DUSP14: variants seen among roughly 807,000 people sequenced by gnomAD.
DUSP14 encodes the protein dual specificity phosphatase 14, also known as dual specificity protein phosphatase 14.
Under a neutral mutation model 13.2 loss-of-function variants are expected in DUSP14, and 5 were observed. The ratio of observed to expected loss-of-function variants is 0.38; its 90% confidence interval spans 0.20 to 0.80. The LOEUF (loss-of-function observed/expected upper bound fraction) is 0.80. Among genes scored for constraint, DUSP14 ranks in the 30% least tolerant of loss-of-function variants. The probability of loss-of-function intolerance (pLI) is 0.44; values close to 1 mark genes in which losing one functional copy is unlikely to be tolerated. For missense variants in DUSP14, 185 were observed against 264.0 expected (o/e 0.70, Z 2.07); for synonymous variants, 91 against 103.4 (o/e 0.88, Z 0.73).
rs773051241 is a variant in DUSP14, at chr17:37,512,265, G to GC, written c.-7dup. ...GCCAACGATGCAAGTGTGACTGCTGGCGTCTTCATGAGCTCCAGAGGTCAC... is the reference window on the plus strand; with the variant it reads ...GCCAACGATGCAAGTGTGACTGCTGGCCGTCTTCATGAGCTCCAGAGGTCAC... On this transcript the variant is annotated 5_prime_UTR_variant, in exon 3 of 3. Transcript: ENST00000617516. This position sits in a 1 kb window ranked among gnomAD's most constrained non-coding sequence, Gnocchi z 4.8. 6.3e-6 allele frequency: 10 copies of GC among 1,585,032 alleles called. No homozygotes were observed. Among genetic ancestry groups the GC allele is most frequent in the Non-Finnish European group, 7.7e-6 (9 of 1,162,442 alleles).
chr17:37,513,140 A>C lies in DUSP14; in HGVS notation c.*271A>C, dbSNP rs998170317. ...TCATTTTTACCAATTTGAACAGTTTAATAAACTGGTTCTGCTCTCTTCTGA... is the reference window on the plus strand; with the variant it reads ...TCATTTTTACCAATTTGAACAGTTTCATAAACTGGTTCTGCTCTCTTCTGA... On this transcript the variant is annotated 3_prime_UTR_variant, in exon 3 of 3. Coordinates refer to ENST00000617516, the MANE Select transcript of DUSP14 (RefSeq NM_007026.4). The C allele has an allele frequency of 2.1e-6, 1 of 484,056 alleles. No homozygotes were observed. Among genetic ancestry groups the C allele is most frequent in the African/African-American group, 2.0e-5 (1 of 51,256 alleles). 30.0% of individuals were successfully genotyped at this position (484,056 alleles called of 1,614,324 possible).
At chr17:37,504,180 C>G (rs1201969189) in intron 1 of DUSP14, among the ~76,000 whole-genome samples, 1 of 152,164 alleles carries the variant, frequency 6.6e-6, no homozygotes, top group African/African-American at 2.4e-5. Flanking sequence ...AGTGACAGAG[C>G]AAGACACCAT....
chr17:37,511,908 A>C (rs1597975739), intron 2 of DUSP14, among the ~76,000 whole-genome samples: 3 of 106,982 alleles, frequency 2.8e-5, no homozygotes, highest in South Asian at 3.2e-4. Context: ...TGTATGAGCC[A>C]CCATGCCCAG....
chr17:37,509,124 TATATAC>T (rs1235314811), intron 1 of DUSP14, among the ~76,000 whole-genome samples: 7 of 42,782 alleles, frequency 1.6e-4, no homozygotes, highest in South Asian at 7.3e-4. Flanking sequence ...TATATATATA[TATATAC>T]ACACACACAC....
intron 2 of DUSP14, among the ~76,000 whole-genome samples, chr17:37,511,613 G>A (rs1234238025): frequency 1.5e-5 from 1 of 67,232 alleles, no homozygotes; most frequent in African/African-American, 7.7e-5. Flanking sequence ...TAGAAGCTGG[G>A]TCTCCCTGTT....
chr17:37,493,170 C>T lies in DUSP14; in HGVS notation c.-181+3212C>T, dbSNP rs376150479. Among the ~76,000 whole-genome samples, 178 of 152,180 alleles carry T rather than the reference C, an allele frequency of 1.2e-3. 6 individuals are homozygous for T. The South Asian group carries it at 0.036, about 31-fold the overall frequency. ...TAGAGACAAGGTCTCACTATATTGCCCAGGCTGGTCTTGAACTCCTGGGCT... is the reference window on the plus strand; with the variant it reads ...TAGAGACAAGGTCTCACTATATTGCTCAGGCTGGTCTTGAACTCCTGGGCT... On this transcript the variant is annotated intron_variant, in intron 1 of 2. Transcript: ENST00000617516.
rs574646267 is a variant in DUSP14, at chr17:37,501,938, C to T, written c.-180-8739C>T. Among the ~76,000 whole-genome samples the T allele has an allele frequency of 5.3e-5, 8 of 152,280 alleles. No individual in the cohort carries two copies. In the South Asian group the frequency reaches 1.7e-3, roughly 32 times the overall value. On this transcript the variant is annotated intron_variant, in intron 1 of 2. Transcript: ENST00000617516. ...TGGGCTGTTTTTACTTTGCTTTGAT[C>T]ACCAGTTTTTTTGTACCAGTTGTTT...
chr17:37,511,756 T>TAA (rs112056297), intron 2 of DUSP14, among the ~76,000 whole-genome samples: 1 of 146,376 alleles, frequency 6.8e-6, no homozygotes. Context: ...CCCAGCTAAT[T>TAA]AAAAAAAAAT....
chr17:37,492,032 T>C (rs2054031815), intron 1 of DUSP14, among the ~76,000 whole-genome samples: 1 of 152,240 alleles, frequency 6.6e-6, no homozygotes, highest in African/African-American at 2.4e-5. Context: ...ATTTTAAAGT[T>C]GACTTGTCCT....
At position 37,512,063 on chromosome 17, in the gene DUSP14, A is replaced by G; in HGVS notation, c.-92-118A>G. ...GAAAATGATTTGTCTGTATCCTTGA[A>G]AGATTGTACTGTATTATTTAAAAAA... On this transcript the variant is annotated intron_variant, in intron 2 of 2. Transcript: ENST00000617516. This position sits in a 1 kb window ranked among gnomAD's most constrained non-coding sequence, Gnocchi z 4.8. 1 of 484,404 alleles carries G rather than the reference A, an allele frequency of 2.1e-6. No homozygotes were observed. Among genetic ancestry groups the G allele is most frequent in the South Asian group, 4.9e-5 (1 of 20,480 alleles). 30.0% of individuals were successfully genotyped at this position (484,404 alleles called of 1,614,324 possible). A position where few individuals can be genotyped will look rare whatever the true frequency, so the allele number is the denominator to read the frequency against.
intron 1 of DUSP14, among the ~76,000 whole-genome samples, chr17:37,492,817 C>A (rs1243067071): frequency 6.6e-6 from 1 of 152,188 alleles, no homozygotes; most frequent in Non-Finnish European, 1.5e-5. Context: ...TCTCCCTCCC[C>A]CAGAGGTCCT....
At chr17:37,509,251 AT>A in intron 1 of DUSP14, among the ~76,000 whole-genome samples, 1 of 19,718 alleles carries the variant, frequency 5.1e-5, no homozygotes, top group Non-Finnish European at 1.2e-4. Flanking sequence ...CACTATATAT[AT>A]ATATATATAT....
intron 1 of DUSP14, among the ~76,000 whole-genome samples, chr17:37,496,470 G>T (rs1391929871): frequency 3.3e-5 from 5 of 151,436 alleles, no homozygotes; most frequent in African/African-American, 1.2e-4. Context: ...TTAGCCGGGT[G>T]TTAGGCCGGG....
intron 1 of DUSP14, among the ~76,000 whole-genome samples, chr17:37,492,059 C>T (rs981944488): frequency 6.6e-6 from 1 of 152,172 alleles, no homozygotes; most frequent in Non-Finnish European, 1.5e-5. Flanking sequence ...AAAGATTTGG[C>T]TTCTGTCAAG....
At chr17:37,499,324 T>A (rs969455314) in intron 1 of DUSP14, among the ~76,000 whole-genome samples, 8 of 152,092 alleles carry the variant, frequency 5.3e-5, no homozygotes, top group African/African-American at 1.9e-4. Flanking sequence ...TGGCAAACTT[T>A]CTTTTTTTTA....
chr17:37,492,473 G>T (rs1739768996), intron 1 of DUSP14, among the ~76,000 whole-genome samples: 1 of 152,198 alleles, frequency 6.6e-6, no homozygotes, highest in African/African-American at 2.4e-5. Context: ...AAATGGATGG[G>T]TTAAAACAAA....
intron 1 of DUSP14, among the ~76,000 whole-genome samples, chr17:37,491,950 T>C (rs1171462476): frequency 2.6e-5 from 4 of 152,252 alleles, no homozygotes; most frequent in African/African-American, 4.8e-5. Flanking sequence ...TTTGTGTATA[T>C]CTTTTTAGAC....
Sources: gnomAD v4.1 joint callset for allele counts (sites outside exome capture counted in the v4.1 genomes callset) on GRCh38, gnomAD v4.1.1 for gene constraint, Gnocchi (gnomAD v3.1) non-coding constraint, MANE v1.5 for transcripts, NCBI Gene and HGNC (gene_info 2026-07-23, HGNC 2026-07-21) for gene names.